Variants in PARVA observed in about 807,000 individuals in gnomAD.
The protein encoded by PARVA is alpha-parvin.
PARVA carries 25 observed loss-of-function variants against 52.6 expected under a neutral mutation model. The observed-to-expected ratio is 0.48, with a 90% CI of 0.35 to 0.66. The LOEUF is 0.66. Ranked by LOEUF, PARVA falls within the 30% of genes least tolerant of loss-of-function variation. PARVA has a pLI of 0.01. For missense variants in PARVA, 373 were observed against 450.9 expected (o/e 0.83, Z 1.56); for synonymous variants, 185 against 179.1 (o/e 1.03, Z -0.26).
intron 1 of PARVA, among the ~76,000 whole-genome samples, chr11:12,406,887 G>A (rs1169057395): frequency 1.3e-5 from 2 of 151,924 alleles, no homozygotes; most frequent in Non-Finnish European, 2.9e-5. Context: ...AGCCAGGATC[G>A]TCTCGATCTC....
At chr11:12,412,056 T>A (rs1210213479) in intron 1 of PARVA, among the ~76,000 whole-genome samples, 1 of 152,168 alleles carries the variant, frequency 6.6e-6, no homozygotes, top group Non-Finnish European at 1.5e-5. Flanking sequence ...GTTTAACTTA[T>A]CCTTCCTCCC....
At chr11:12,490,437 A>C (rs181624315) in intron 4 of PARVA, among the ~76,000 whole-genome samples, 1 of 151,346 alleles carries the variant, frequency 6.6e-6, no homozygotes, top group Non-Finnish European at 1.5e-5. Context: ...AGGCAGGAGA[A>C]TCACTTGAGG....
chr11:12,521,290 A>G (rs1220027119), intron 12 of PARVA, among the ~76,000 whole-genome samples: 1 of 152,166 alleles, frequency 6.6e-6, no homozygotes, highest in Non-Finnish European at 1.5e-5. Flanking sequence ...TAACATGGAA[A>G]ATGTTCAACT....
chr11:12,437,735 C>T (rs1017408244), intron 1 of PARVA, among the ~76,000 whole-genome samples: 2 of 152,100 alleles, frequency 1.3e-5, no homozygotes, highest in Non-Finnish European at 2.9e-5. Flanking sequence ...GTGGGGAATA[C>T]GCTGAAGCTG....
At chr11:12,377,823 G>A (rs1474719494) in intron 1 of PARVA, 40 bp downstream of exon 1, 7 of 1,446,916 alleles carry the variant, frequency 4.8e-6, no homozygotes, top group East Asian at 3.1e-5. Flanking sequence ...GGTAGGAGCC[G>A]GGGGTGCCGT....
chr11:12,412,493 C>T (rs773234423), intron 1 of PARVA, among the ~76,000 whole-genome samples: 3 of 152,130 alleles, frequency 2.0e-5, no homozygotes, highest in Admixed American at 2.0e-4. Context: ...TGCAGTTCAC[C>T]AGCCCAGGCC....
intron 12 of PARVA, 122 bp from the exon 13 acceptor site, chr11:12,527,727 A>G: frequency 1.3e-6 from 1 of 775,592 alleles, no homozygotes; most frequent in Non-Finnish European, 2.3e-6. Context: ...CACTCTACCC[A>G]TCTGCCCCGA....
At chr11:12,445,264 G>T (rs2135008382) in intron 1 of PARVA, among the ~76,000 whole-genome samples, 1 of 152,216 alleles carries the variant, frequency 6.6e-6, no homozygotes, top group Admixed American at 6.5e-5. Flanking sequence ...GGGAACTGTG[G>T]GGAGCTGTTA....
intron 1 of PARVA, among the ~76,000 whole-genome samples, chr11:12,432,811 A>G (rs924983550): frequency 5.3e-5 from 8 of 152,144 alleles, no homozygotes; most frequent in African/African-American, 1.9e-4. Context: ...AGGCATAGCC[A>G]TTGTATTTGA....
chr11:12,461,422 G>T (rs1163596517), intron 1 of PARVA, among the ~76,000 whole-genome samples: 1 of 152,180 alleles, frequency 6.6e-6, no homozygotes, highest in South Asian at 2.1e-4. Context: ...CTCTAAGTAG[G>T]AGCAGACTTT....
intron 1 of PARVA, among the ~76,000 whole-genome samples, chr11:12,446,141 A>T (rs956598461): frequency 1.3e-5 from 2 of 152,202 alleles, no homozygotes; most frequent in African/African-American, 4.8e-5. Flanking sequence ...TAAACATGAC[A>T]TCTAAAAACA....
At chr11:12,502,853 A>T (rs897482875) in intron 5 of PARVA, among the ~76,000 whole-genome samples, 2 of 151,912 alleles carry the variant, frequency 1.3e-5, no homozygotes, top group Non-Finnish European at 1.5e-5. Context: ...CAACCTGTAC[A>T]TCCACATAGG....
intron 1 of PARVA, among the ~76,000 whole-genome samples, chr11:12,435,231 C>A (rs1268571879): frequency 2.0e-5 from 3 of 152,196 alleles, no homozygotes; most frequent in Admixed American, 1.3e-4. Context: ...AGGCTCCCCC[C>A]TCTCTCTGAT....
chr11:12,487,613 C>T (rs1047837579), intron 4 of PARVA, among the ~76,000 whole-genome samples: 16 of 151,924 alleles, frequency 1.1e-4, no homozygotes, highest in African/African-American at 2.9e-4. Flanking sequence ...GCTGAATAGC[C>T]CTGCTTGAAG....
chr11:12,388,165 A>G (rs1232874563), intron 1 of PARVA, among the ~76,000 whole-genome samples: 1 of 152,206 alleles, frequency 6.6e-6, no homozygotes, highest in East Asian at 1.9e-4. Flanking sequence ...CCAAGAGGAG[A>G]AGATGGCTGG....
intron 1 of PARVA, among the ~76,000 whole-genome samples, chr11:12,459,360 A>T (rs1940743039): frequency 6.6e-6 from 1 of 152,112 alleles, no homozygotes; most frequent in Non-Finnish European, 1.5e-5. Flanking sequence ...AGCTGTGATC[A>T]TATTACTGCA....
At chr11:12,468,835 G>C (rs182514360) in intron 1 of PARVA, among the ~76,000 whole-genome samples, 1 of 152,190 alleles carries the variant, frequency 6.6e-6, no homozygotes, top group African/African-American at 2.4e-5. Context: ...GAAGGAGAAG[G>C]TTGCCTTTTC....
intron 1 of PARVA, among the ~76,000 whole-genome samples, chr11:12,408,137 A>G (rs966887226): frequency 4.6e-5 from 7 of 152,118 alleles, no homozygotes; most frequent in African/African-American, 1.7e-4. Flanking sequence ...TTGTCACCAC[A>G]TGCCCCCACC....
chr11:12,484,516 T>TGG (rs1187529144), intron 4 of PARVA, among the ~76,000 whole-genome samples: 2 of 73,712 alleles, frequency 2.7e-5, no homozygotes, highest in African/African-American at 8.0e-5. Context: ...TGTGTGTGTG[T>TGG]GTGTGTGTGT....
Sources: allele counts gnomAD v4.1 joint callset (sites outside exome capture counted in the v4.1 genomes callset), GRCh38; gene constraint gnomAD v4.1.1; transcripts MANE v1.5; gene names NCBI Gene and HGNC (gene_info 2026-07-23, HGNC 2026-07-21).